SETBP1: variants seen among roughly 807,000 people sequenced by gnomAD.
The protein encoded by SETBP1 is SET binding protein 1.
Under a neutral mutation model 101.0 loss-of-function variants are expected in SETBP1, and 9 were observed. The observed-to-expected ratio is 0.09, with a 90% CI of 0.05 to 0.16. The LOEUF is 0.16. Among genes scored for constraint, SETBP1 ranks in the 10% least tolerant of loss-of-function variants. SETBP1 has a pLI of 1.00. For missense variants in SETBP1, 1,858 were observed against 2,033.8 expected (o/e 0.91, Z 1.66); for synonymous variants, 818 against 788.5 (o/e 1.04, Z -0.63).
intron 2 of SETBP1, among the ~76,000 whole-genome samples, chr18:44,850,412 C>G (rs2072827131): frequency 6.6e-6 from 1 of 151,886 alleles, no homozygotes; most frequent in African/African-American, 2.4e-5. Context: ...GCTCTGTTGC[C>G]CAGGCTGGAA....
At chr18:44,959,863 A>G (rs1376345096) in intron 4 of SETBP1, among the ~76,000 whole-genome samples, 1 of 152,186 alleles carries the variant, frequency 6.6e-6, no homozygotes, top group East Asian at 1.9e-4. Flanking sequence ...AAACAAAGGT[A>G]TGTAAGTGGA....
intron 1 of SETBP1, among the ~76,000 whole-genome samples, chr18:44,696,811 C>T (rs1599000585): frequency 6.6e-6 from 1 of 152,376 alleles, no homozygotes; most frequent in East Asian, 1.9e-4. Context: ...TAGCATCTGA[C>T]TGCCTGTGAA....
At chr18:44,779,837 T>C (rs2071086147) in intron 2 of SETBP1, among the ~76,000 whole-genome samples, 1 of 152,154 alleles carries the variant, frequency 6.6e-6, no homozygotes, top group African/African-American at 2.4e-5. Context: ...TCCTGCCTGC[T>C]GCCTTCTGTT....
At chr18:44,824,255 T>A (rs1987015423) in intron 2 of SETBP1, among the ~76,000 whole-genome samples, 1 of 152,188 alleles carries the variant, frequency 6.6e-6, no homozygotes. Context: ...CATCTCAAGC[T>A]ACCCTTCCTT....
intron 3 of SETBP1, chr18:44,871,591 A>G (rs2069276145): frequency 6.6e-6 from 1 of 152,162 alleles, no homozygotes; most frequent in Admixed American, 6.5e-5. Context: ...ATAGTTACAA[A>G]ATCTTTGATG....
At chr18:44,792,638 C>T (rs565066392) in intron 2 of SETBP1, among the ~76,000 whole-genome samples, 11 of 152,286 alleles carry the variant, frequency 7.2e-5, no homozygotes, top group African/African-American at 1.9e-4. Flanking sequence ...GTCTTTTGCC[C>T]GGCCACTTCC....
intron 1 of SETBP1, among the ~76,000 whole-genome samples, chr18:44,682,299 C>T (rs1037548344): frequency 5.9e-5 from 9 of 152,096 alleles, no homozygotes; most frequent in Admixed American, 2.0e-4. Flanking sequence ...AGAGGAAGGG[C>T]GGTGTTGTGT....
chr18:44,919,972 C>T (rs945198998), intron 3 of SETBP1, among the ~76,000 whole-genome samples: 1 of 152,166 alleles, frequency 6.6e-6, no homozygotes, highest in African/African-American at 2.4e-5. Flanking sequence ...TTCATGAGGG[C>T]AGGCAGGCTG....
intron 2 of SETBP1, among the ~76,000 whole-genome samples, chr18:44,830,425 C>T (rs968549182): frequency 2.6e-5 from 4 of 152,204 alleles, no homozygotes; most frequent in Non-Finnish European, 5.9e-5. Flanking sequence ...AGGCTCTTTC[C>T]AGAATGTAAT....
At chr18:44,778,513 A>T (rs2071054849) in intron 2 of SETBP1, among the ~76,000 whole-genome samples, 1 of 152,094 alleles carries the variant, frequency 6.6e-6, no homozygotes, top group Non-Finnish European at 1.5e-5. Context: ...GATTTTCTTG[A>T]TCTCATTATG....
chr18:44,883,604 A>G (rs1319248546), intron 3 of SETBP1, among the ~76,000 whole-genome samples: 1 of 152,220 alleles, frequency 6.6e-6, no homozygotes, highest in African/African-American at 2.4e-5. Flanking sequence ...ACATGGAACA[A>G]TTAGGGTCCT....
chr18:45,012,966 C>T (rs1043399143), intron 4 of SETBP1, among the ~76,000 whole-genome samples: 2 of 152,200 alleles, frequency 1.3e-5, no homozygotes, highest in African/African-American at 4.8e-5. Context: ...TTTGTAACTC[C>T]TAGATTTAGT....
chr18:45,040,337 G>GT (rs1454443975), intron 5 of SETBP1, among the ~76,000 whole-genome samples: 1 of 152,130 alleles, frequency 6.6e-6, no homozygotes, highest in Non-Finnish European at 1.5e-5. Context: ...TAGCACCTTG[G>GT]TGGGAGGGTG....
At chr18:44,760,232 T>G (rs1449996401) in intron 2 of SETBP1, among the ~76,000 whole-genome samples, 1 of 152,236 alleles carries the variant, frequency 6.6e-6, no homozygotes, top group Non-Finnish European at 1.5e-5. Flanking sequence ...TACTTCCTTG[T>G]TGAGATAGAG....
intron 2 of SETBP1, among the ~76,000 whole-genome samples, chr18:44,726,786 A>G (rs1472561460): frequency 6.6e-6 from 1 of 152,190 alleles, no homozygotes; most frequent in Non-Finnish European, 1.5e-5. Flanking sequence ...GCTTCGTTAC[A>G]TAATTTGTTT....
chr18:45,041,629 T>C (rs768711790), intron 5 of SETBP1, among the ~76,000 whole-genome samples: 2 of 152,138 alleles, frequency 1.3e-5, no homozygotes, highest in Non-Finnish European at 2.9e-5. Context: ...GATAAGAAGG[T>C]ACTGAAGTAA....
At chr18:44,781,779 G>A (rs529748762) in intron 2 of SETBP1, among the ~76,000 whole-genome samples, 3 of 152,288 alleles carry the variant, frequency 2.0e-5, no homozygotes, top group African/African-American at 7.2e-5. Flanking sequence ...TCCCATGTCT[G>A]CCCTTGAGAA....
intron 1 of SETBP1, among the ~76,000 whole-genome samples, chr18:44,687,125 G>A (rs1046250227): frequency 2.0e-4 from 30 of 152,220 alleles, no homozygotes; most frequent in African/African-American, 6.8e-4. Context: ...AGGAGGCCGG[G>A]TGCAACTAGT....
chr18:44,700,513 C>T (rs1273287066), intron 1 of SETBP1, among the ~76,000 whole-genome samples: 1 of 152,176 alleles, frequency 6.6e-6, no homozygotes, highest in African/African-American at 2.4e-5. Flanking sequence ...CCATTAATCA[C>T]AGTGTTATAA....
Sources: allele counts gnomAD v4.1 joint callset (sites outside exome capture counted in the v4.1 genomes callset), GRCh38; gene constraint gnomAD v4.1.1; transcripts MANE v1.5; gene names NCBI Gene and HGNC (gene_info 2026-07-23, HGNC 2026-07-21).